CSTPP1: variants seen among roughly 807,000 people sequenced by gnomAD.
The protein encoded by CSTPP1 is UPF0705 protein C11orf49.
the CSTPP1 span, among the ~76,000 whole-genome samples, chr11:47,118,036 C>A: frequency 6.6e-6 from 1 of 151,826 alleles, no homozygotes; most frequent in South Asian, 2.1e-4. Context: ...CCTGCCACCA[C>A]GCCCAGCTAA....
the CSTPP1 span, among the ~76,000 whole-genome samples, chr11:47,002,868 G>T: frequency 6.6e-6 from 1 of 152,098 alleles, no homozygotes; most frequent in Non-Finnish European, 1.5e-5. Flanking sequence ...TAAATAATAT[G>T]AAGGATCTTT....
chr11:47,162,889 G>A, the CSTPP1 span, among the ~76,000 whole-genome samples: 65 of 152,212 alleles, frequency 4.3e-4, no homozygotes, highest in East Asian at 4.6e-3. Flanking sequence ...TTCCAGCCCC[G>A]AAGCTGCTCC....
the CSTPP1 span, chr11:47,160,719 G>C: frequency 6.2e-6 from 1 of 160,976 alleles, no homozygotes; most frequent in African/African-American, 2.4e-5. Context: ...TCTCCAAAGT[G>C]GGGTCATCCT....
the CSTPP1 span, among the ~76,000 whole-genome samples, chr11:47,089,288 T>A: frequency 6.6e-6 from 1 of 152,230 alleles, no homozygotes; most frequent in African/African-American, 2.4e-5. Context: ...AATCACTAGA[T>A]AATTTCCTCT....
chr11:47,158,957 G>A, the CSTPP1 span, among the ~76,000 whole-genome samples: 1 of 152,228 alleles, frequency 6.6e-6, no homozygotes, highest in Admixed American at 6.5e-5. Context: ...ATGGGATTAA[G>A]GGAAGGAAAG....
At chr11:47,118,892 C>T in the CSTPP1 span, among the ~76,000 whole-genome samples, 1 of 152,196 alleles carries the variant, frequency 6.6e-6, no homozygotes, top group Admixed American at 6.5e-5. Context: ...GAGGTGTCTC[C>T]CAATTAGGCT....
At chr11:47,017,394 T>C in the CSTPP1 span, among the ~76,000 whole-genome samples, 1 of 151,828 alleles carries the variant, frequency 6.6e-6, no homozygotes, top group Non-Finnish European at 1.5e-5. Context: ...AGGCTGATCT[T>C]GAACTGCTGA....
At chr11:47,111,473 G>T in the CSTPP1 span, among the ~76,000 whole-genome samples, 1 of 152,072 alleles carries the variant, frequency 6.6e-6, no homozygotes, top group Non-Finnish European at 1.5e-5. Flanking sequence ...ACTGCTGTAC[G>T]TGATGCTTCC....
chr11:46,992,239 A>G, the CSTPP1 span, among the ~76,000 whole-genome samples: 1 of 148,984 alleles, frequency 6.7e-6, no homozygotes, highest in Non-Finnish European at 1.5e-5. Context: ...TTTTTTATTT[A>G]TTATTATTTT....
At chr11:47,139,049 T>G in the CSTPP1 span, among the ~76,000 whole-genome samples, 1 of 103,748 alleles carries the variant, frequency 9.6e-6, no homozygotes, top group Non-Finnish European at 1.9e-5. Context: ...ACAGCAAAAA[T>G]CATGTTTATC....
the CSTPP1 span, among the ~76,000 whole-genome samples, chr11:47,011,117 T>G: frequency 6.6e-6 from 1 of 152,198 alleles, no homozygotes; most frequent in Non-Finnish European, 1.5e-5. Context: ...GGAATTGAAG[T>G]CTATTTGAGG....
the CSTPP1 span, among the ~76,000 whole-genome samples, chr11:47,053,870 G>GGGAGGTTGAGGCTACA: frequency 6.6e-6 from 1 of 152,062 alleles, no homozygotes; most frequent in African/African-American, 2.4e-5. Context: ...CTTGAGCTGA[G>GGGAGGTTGAGGCTACA]GGAGGTTGAG....
chr11:47,013,425 G>C, the CSTPP1 span, among the ~76,000 whole-genome samples: 40 of 152,018 alleles, frequency 2.6e-4, no homozygotes, highest in Non-Finnish European at 5.0e-4. Flanking sequence ...ACAGACCCCA[G>C]TGTATGTTGT....
the CSTPP1 span, among the ~76,000 whole-genome samples, chr11:47,027,893 G>A: frequency 5.3e-5 from 8 of 151,676 alleles, no homozygotes; most frequent in Non-Finnish European, 1.2e-4. Flanking sequence ...GTGCTCACTT[G>A]CAGTGTGGCA....
the CSTPP1 span, among the ~76,000 whole-genome samples, chr11:47,148,235 AC>A: frequency 6.6e-6 from 1 of 151,860 alleles, no homozygotes; most frequent in African/African-American, 2.4e-5. Context: ...TCAAACAAAA[AC>A]CCTAGAGGTG....
the CSTPP1 span, among the ~76,000 whole-genome samples, chr11:46,998,949 C>T: frequency 1.3e-5 from 2 of 151,970 alleles, no homozygotes; most frequent in South Asian, 2.1e-4. Flanking sequence ...ACCGTGTTAG[C>T]CAGGATGGTC....
the CSTPP1 span, among the ~76,000 whole-genome samples, chr11:47,119,398 C>A: frequency 6.6e-6 from 1 of 152,132 alleles, no homozygotes; most frequent in Non-Finnish European, 1.5e-5. Context: ...ACTCCCCGAC[C>A]CCTTGTGCTT....
chr11:47,016,397 C>CAAAAA, the CSTPP1 span, among the ~76,000 whole-genome samples: 2 of 74,694 alleles, frequency 2.7e-5, no homozygotes, highest in Admixed American at 1.2e-4. Flanking sequence ...CTACAAAAAA[C>CAAAAA]AAAAAACAAA....
the CSTPP1 span, among the ~76,000 whole-genome samples, chr11:46,955,085 G>T: frequency 1.3e-5 from 2 of 152,084 alleles, no homozygotes; most frequent in Admixed American, 6.6e-5. Flanking sequence ...ATAAATTCAA[G>T]ATTTTACACA....
Sources: gnomAD v4.1 joint callset for allele counts (sites outside exome capture counted in the v4.1 genomes callset) on GRCh38, gnomAD v4.1.1 for gene constraint, MANE v1.5 for transcripts, NCBI Gene and HGNC (gene_info 2026-07-23, HGNC 2026-07-21) for gene names.